METTL15: variants seen among roughly 807,000 people sequenced by gnomAD.
The protein encoded by METTL15 is methyltransferase 15, mitochondrial 12S rRNA N4-cytidine, also known as 12S rRNA N(4)-cytidine methyltransferase METTL15.
METTL15 carries 34 observed loss-of-function variants against 38.3 expected under a neutral mutation model. The observed-to-expected ratio is 0.89, with a 90% CI of 0.68 to 1.18. The LOEUF is 1.18. Among genes scored for constraint, METTL15 ranks in the 50% most tolerant of loss-of-function variants. The probability of loss-of-function intolerance (pLI) is 0.00; values close to 1 mark genes in which losing one functional copy is unlikely to be tolerated. For synonymous variants in METTL15, 162 were observed against 170.9 expected (o/e 0.95, Z 0.41); for missense variants, 438 against 498.4 (o/e 0.88, Z 1.15).
At chr11:28,395,479 C>G (rs1014864634) in intron 5 of METTL15, among the ~76,000 whole-genome samples, 1 of 152,100 alleles carries the variant, frequency 6.6e-6, no homozygotes, top group African/African-American at 2.4e-5. Context: ...GTAAACACCT[C>G]TACACAAATA....
chr11:28,301,611 A>C (rs969076420), intron 6 of METTL15, among the ~76,000 whole-genome samples: 20 of 152,174 alleles, frequency 1.3e-4, no homozygotes, highest in Non-Finnish European at 2.9e-5. Flanking sequence ...AGTTTGAAAA[A>C]AATTATAATA....
At chr11:28,495,370 G>A (rs549182506) in intron 6 of METTL15, among the ~76,000 whole-genome samples, 15 of 152,200 alleles carry the variant, frequency 9.9e-5, no homozygotes, top group Admixed American at 9.8e-4. Flanking sequence ...GACAAAAAGG[G>A]AAAAAGAAAG....
At chr11:28,409,242 C>T (rs563500399) in intron 5 of METTL15, among the ~76,000 whole-genome samples, 5 of 151,652 alleles carry the variant, frequency 3.3e-5, no homozygotes, top group East Asian at 3.9e-4. Flanking sequence ...ATTAGCCTGG[C>T]GGGGTGACAG....
At chr11:28,244,966 G>T (rs1349503584) in intron 4 of METTL15, among the ~76,000 whole-genome samples, 1 of 152,150 alleles carries the variant, frequency 6.6e-6, no homozygotes, top group African/African-American at 2.4e-5. Context: ...TGTGCAGCCT[G>T]CAAGGTTTAA....
chr11:28,508,543 G>C (rs1179652810), intron 6 of METTL15, among the ~76,000 whole-genome samples: 2 of 152,076 alleles, frequency 1.3e-5, no homozygotes, highest in African/African-American at 2.4e-5. Flanking sequence ...AGTCTAATTA[G>C]AGAAACAAAA....
chr11:28,375,486 T>A (rs1250166076), intron 5 of METTL15, among the ~76,000 whole-genome samples: 13 of 151,994 alleles, frequency 8.6e-5, no homozygotes, highest in African/African-American at 2.6e-4. Context: ...GATGGTAGTT[T>A]GTATTTCTGT....
intron 3 of METTL15, among the ~76,000 whole-genome samples, chr11:28,141,783 C>T (rs1465609909): frequency 6.6e-6 from 1 of 152,182 alleles, no homozygotes; most frequent in Non-Finnish European, 1.5e-5. Flanking sequence ...CTGGTTATTG[C>T]TTAATGATGC....
intron 3 of METTL15, among the ~76,000 whole-genome samples, chr11:28,351,608 C>T (rs1850042614): frequency 6.6e-6 from 1 of 151,180 alleles, no homozygotes; most frequent in Non-Finnish European, 1.5e-5. Flanking sequence ...TTGTATACAA[C>T]TCCATGAGTC....
chr11:28,381,639 G>A (rs1040104685), intron 5 of METTL15, among the ~76,000 whole-genome samples: 1 of 151,718 alleles, frequency 6.6e-6, no homozygotes, highest in African/African-American at 2.4e-5. Flanking sequence ...TCTTTCTTCT[G>A]TTGAGAGCCT....
chr11:28,217,492 C>G (rs1852946042), intron 4 of METTL15, among the ~76,000 whole-genome samples: 1 of 152,064 alleles, frequency 6.6e-6, no homozygotes, highest in African/African-American at 2.4e-5. Context: ...CAAAAATTTT[C>G]TCCCATTCTG....
intron 5 of METTL15, among the ~76,000 whole-genome samples, chr11:28,367,881 CT>C (rs1329805264): frequency 1.3e-5 from 2 of 152,026 alleles, no homozygotes; most frequent in African/African-American, 2.4e-5. Flanking sequence ...GTTGGGAAAA[CT>C]GGCTAGCCAT....
chr11:28,341,258 G>A (rs1301228664), intron 3 of METTL15, among the ~76,000 whole-genome samples: 7 of 152,064 alleles, frequency 4.6e-5, no homozygotes, highest in African/African-American at 1.2e-4. Context: ...ACCATGGCAC[G>A]TGTATACCTA....
chr11:28,116,351 T>G (rs1331536833), intron 3 of METTL15, among the ~76,000 whole-genome samples: 1 of 152,210 alleles, frequency 6.6e-6, no homozygotes, highest in Non-Finnish European at 1.5e-5. Flanking sequence ...ATGCTTATAT[T>G]TCTTAGTGTA....
In METTL15 at chr11:28,330,687, G is replaced by A. The variant is rs1241374062; in HGVS notation, c.1070G>A (p.Gly357Asp). ...RQQVMKTSQL[G>D]SDHENTEEVS... ...CAAGTGATGAAAACATCTCAATTGGGTTCAGATCACGAAAACACGGAAGAA... is the reference window on the plus strand; with the variant it reads ...CAAGTGATGAAAACATCTCAATTGGATTCAGATCACGAAAACACGGAAGAA... Residue 357 changes from glycine to aspartate, a missense_variant, in exon 7 of 7, where the codon GGT becomes GAT. Physicochemically the swap from Gly to Asp is moderately conservative, Grantham distance 94. Transcript: ENST00000407364. 7 of 1,551,446 alleles carry A rather than the reference G, an allele frequency of 4.5e-6. No homozygotes were observed. The highest frequency in any genetic ancestry group is 1.4e-5 in the African/African-American group (1 of 73,152).
chr11:28,413,690 C>T (rs1417524810), intron 5 of METTL15, among the ~76,000 whole-genome samples: 3 of 152,068 alleles, frequency 2.0e-5, no homozygotes, highest in African/African-American at 4.8e-5. Context: ...TTCTAATGAA[C>T]ATCTTAATGT....
At chr11:28,406,536 A>G (rs1261376821) in intron 5 of METTL15, among the ~76,000 whole-genome samples, 1 of 152,160 alleles carries the variant, frequency 6.6e-6, no homozygotes, top group African/African-American at 2.4e-5. Flanking sequence ...TGTTATGCAC[A>G]TGTACCCTAG....
At chr11:28,235,953 T>C (rs1346683825) in intron 4 of METTL15, among the ~76,000 whole-genome samples, 1 of 151,406 alleles carries the variant, frequency 6.6e-6, no homozygotes, top group Non-Finnish European at 1.5e-5. Flanking sequence ...TTGTCATAGA[T>C]AGCTCTTATT....
chr11:28,168,251 G>A (rs1850725151), intron 3 of METTL15, among the ~76,000 whole-genome samples: 1 of 151,458 alleles, frequency 6.6e-6, no homozygotes. Context: ...CATCCTTGAG[G>A]AAACTCACAG....
At chr11:28,366,486 A>T (rs1021224116) in intron 5 of METTL15, among the ~76,000 whole-genome samples, 18 of 120,406 alleles carry the variant, frequency 1.5e-4, no homozygotes, top group African/African-American at 4.7e-4. Context: ...CTCAATAAAG[A>T]AGAAAAAAGT....
Sources: gnomAD v4.1 joint callset for allele counts (sites outside exome capture counted in the v4.1 genomes callset) on GRCh38, gnomAD v4.1.1 for gene constraint, MANE v1.5 for transcripts, NCBI Gene and HGNC (gene_info 2026-07-23, HGNC 2026-07-21) for gene names.